Variants in ITGA9 observed in about 807,000 individuals in gnomAD.
ITGA9 encodes integrin subunit alpha 9.
In ITGA9, 56 loss-of-function variants were observed where a neutral mutation model predicts 127.8. That is an observed-to-expected ratio of 0.44 (90% confidence interval 0.35 to 0.55). The LOEUF is 0.55. ITGA9 is among the 20% of genes least tolerant of loss of function. The pLI, the probability that ITGA9 is intolerant of heterozygous loss-of-function variation, is 0.00. For synonymous variants in ITGA9, 508 were observed against 514.5 expected (o/e 0.99, Z 0.17); for missense variants, 1,196 against 1,347.1 (o/e 0.89, Z 1.76).
At chr3:37,518,600 C>T (rs1452105084) in intron 10 of ITGA9, among the ~76,000 whole-genome samples, 2 of 152,044 alleles carry the variant, frequency 1.3e-5, no homozygotes, top group Admixed American at 6.6e-5. Flanking sequence ...CAGACTTTCT[C>T]AGTTACACAA....
At chr3:37,611,030 A>C (rs1700011100) in intron 15 of ITGA9, among the ~76,000 whole-genome samples, 1 of 152,204 alleles carries the variant, frequency 6.6e-6, no homozygotes, top group African/African-American at 2.4e-5. Context: ...GTAAGGGTAG[A>C]GCAAAAAAAA....
intron 26 of ITGA9, among the ~76,000 whole-genome samples, chr3:37,793,503 G>A (rs940815376): frequency 6.6e-5 from 10 of 151,470 alleles, no homozygotes; most frequent in Admixed American, 6.6e-5. Flanking sequence ...TGCTGAAGAG[G>A]TCAAGACAGG....
At chr3:37,540,607 G>C (rs1424193986) in intron 14 of ITGA9, among the ~76,000 whole-genome samples, 1 of 152,200 alleles carries the variant, frequency 6.6e-6, no homozygotes, top group Admixed American at 6.5e-5. Flanking sequence ...TGTTTGATGG[G>C]TGGCCCTCTG....
At chr3:37,465,348 C>T (rs895288601) in intron 1 of ITGA9, among the ~76,000 whole-genome samples, 2 of 152,178 alleles carry the variant, frequency 1.3e-5, no homozygotes, top group African/African-American at 4.8e-5. Context: ...ACAGGGAGCT[C>T]AGGAAGCAGC....
Position 37,810,730 on chromosome 3 carries a change from C to A in ITGA9, c.3009+6788C>A, listed in dbSNP as rs190314191. Among the ~76,000 whole-genome samples the A allele has an allele frequency of 3.7e-3, 566 of 152,324 alleles. 5 individuals are homozygous for A. The highest frequency in any genetic ancestry group is 7.5e-3 in the Admixed American group (115 of 15,302). ...CATGCCTGGCCTCAACAACAGAGCC[C>A]TCACCTAGTCTTGAAGACCTTTAGG... is the stretch of plus-strand genomic sequence containing the variant. On this transcript the variant is annotated intron_variant, in intron 27 of 27. Transcript: ENST00000264741.
At chr3:37,631,996 T>A (rs1185413593) in intron 16 of ITGA9, among the ~76,000 whole-genome samples, 1 of 152,190 alleles carries the variant, frequency 6.6e-6, no homozygotes, top group African/African-American at 2.4e-5. Flanking sequence ...TAGCTTTCTC[T>A]CCCACAATCC....
chr3:37,768,220 C>T, intron 23 of ITGA9, among the ~76,000 whole-genome samples: 1 of 152,152 alleles, frequency 6.6e-6, no homozygotes. Flanking sequence ...TTTAAGGCTG[C>T]TAAGCAACCA....
intron 4 of ITGA9, among the ~76,000 whole-genome samples, chr3:37,493,524 T>C (rs1314728867): frequency 6.6e-6 from 1 of 152,182 alleles, no homozygotes; most frequent in Non-Finnish European, 1.5e-5. Context: ...CATGAAATGA[T>C]TTCCAACATC....
Position 37,452,562 on chromosome 3 carries a change from G to A in ITGA9, c.185+3G>A, listed in dbSNP as rs1456891337. On this transcript the variant is annotated splice_donor_region_variant and intron_variant, in intron 1 of 27. Coordinates refer to ENST00000264741, the MANE Select transcript of ITGA9 (RefSeq NM_002207.3). This position sits in a 1 kb window ranked among gnomAD's most constrained non-coding sequence, Gnocchi z 7.3. ...CATTTCCACGACAACACGCGCTGGT[G>A]AGTGCCCGCCCGACTCCGCGACCCT... 6.6e-7 allele frequency: 1 copy of A among 1,516,360 alleles called. No individual in the cohort carries two copies. The highest frequency in any genetic ancestry group is 2.7e-5 in the East Asian group (1 of 36,788). The allele number at this position is 1,516,360 out of a possible 1,614,324, so 93.9% of individuals were successfully genotyped here. A position where few individuals can be genotyped will look rare whatever the true frequency, so the allele number is the denominator to read the frequency against.
chr3:37,670,623 A>G (rs1458214656), intron 17 of ITGA9, among the ~76,000 whole-genome samples: 1 of 152,236 alleles, frequency 6.6e-6, no homozygotes, highest in Non-Finnish European at 1.5e-5. Context: ...GTTATTGCAG[A>G]TATTTCAAAC....
At chr3:37,685,198 G>A (rs1229288001) in intron 18 of ITGA9, among the ~76,000 whole-genome samples, 1 of 152,170 alleles carries the variant, frequency 6.6e-6, no homozygotes, top group African/African-American at 2.4e-5. Flanking sequence ...GTTTGTTCAG[G>A]CACATATTCT....
chr3:37,521,202 GA>G (rs1413648755), intron 11 of ITGA9, among the ~76,000 whole-genome samples: 1 of 152,042 alleles, frequency 6.6e-6, no homozygotes, highest in African/African-American at 2.4e-5. Context: ...AGATTTAAAA[GA>G]AAAAAAATTC....
At chr3:37,638,961 G>A (rs1700306752) in intron 16 of ITGA9, among the ~76,000 whole-genome samples, 1 of 152,172 alleles carries the variant, frequency 6.6e-6, no homozygotes, top group African/African-American at 2.4e-5. Context: ...GGGAGAAGAC[G>A]GGTTCCAGGA....
rs1700308983 is a variant in ITGA9, at chr3:37,639,148, A to T, written c.1839+9812A>T. Among the ~76,000 whole-genome samples the T allele has an allele frequency of 2.0e-5, 3 of 152,370 alleles. No homozygotes were observed. In the South Asian group the frequency reaches 6.2e-4, roughly 32 times the overall value. On this transcript the variant is annotated intron_variant, in intron 16 of 27. Coordinates refer to ENST00000264741, the MANE Select transcript of ITGA9 (RefSeq NM_002207.3). ...AAATTTAAGGAAAGCAAAGACCTGCATCTGTCTCATCAGAAAGGGAGGCAT... is the reference window on the plus strand; with the variant it reads ...AAATTTAAGGAAAGCAAAGACCTGCTTCTGTCTCATCAGAAAGGGAGGCAT...
chr3:37,536,563 C>T (rs535192985), intron 14 of ITGA9, among the ~76,000 whole-genome samples: 1 of 152,352 alleles, frequency 6.6e-6, no homozygotes, highest in East Asian at 1.9e-4. Flanking sequence ...GTTTCTTCTT[C>T]TCTACCTGGC....
intron 15 of ITGA9, among the ~76,000 whole-genome samples, chr3:37,564,157 T>G (rs1237638481): frequency 6.6e-6 from 1 of 152,214 alleles, no homozygotes; most frequent in Non-Finnish European, 1.5e-5. Flanking sequence ...CGGAACACCA[T>G]TTTTCTCCTG....
chr3:37,709,037 T>C (rs988020788), intron 18 of ITGA9, among the ~76,000 whole-genome samples: 1 of 152,222 alleles, frequency 6.6e-6, no homozygotes, highest in Non-Finnish European at 1.5e-5. Context: ...GCCTTGGCCT[T>C]AGTTTTCTTC....
At chr3:37,534,700 A>G (rs58016418) in intron 14 of ITGA9, among the ~76,000 whole-genome samples, 6,545 of 152,308 alleles carry the variant, frequency 0.043, 438 homozygotes, top group African/African-American at 0.15. Flanking sequence ...AAATTTCAAC[A>G]TTGAATGAAA....
intron 15 of ITGA9, among the ~76,000 whole-genome samples, chr3:37,544,398 A>G (rs1477716525): frequency 6.6e-6 from 1 of 152,178 alleles, no homozygotes; most frequent in Non-Finnish European, 1.5e-5. Context: ...CAGATCACCA[A>G]TGAATAATTT....
Sources: gnomAD v4.1 joint callset for allele counts (sites outside exome capture counted in the v4.1 genomes callset) on GRCh38, gnomAD v4.1.1 for gene constraint, Gnocchi (gnomAD v3.1) non-coding constraint, MANE v1.5 for transcripts, NCBI Gene and HGNC (gene_info 2026-07-23, HGNC 2026-07-21) for gene names.